The following KIAA1217 variants were observed in gnomAD, a reference collection of about 807,000 sequenced individuals.
The protein encoded by KIAA1217 is KIAA1217.
A neutral mutation model predicts 163.9 loss-of-function variants in KIAA1217; 88 were observed. The observed-to-expected ratio is 0.54, with a 90% CI of 0.45 to 0.64. The LOEUF is 0.64. Among genes scored for constraint, KIAA1217 ranks in the 30% least tolerant of loss-of-function variants. KIAA1217 has a pLI of 0.00. For missense variants in KIAA1217, 2,372 were observed against 2,475.0 expected, an observed-to-expected ratio of 0.96 and a Z score of 0.88; for synonymous variants, 903 against 923.1, an observed-to-expected ratio of 0.98 and a Z score of 0.39.
intron 2 of KIAA1217, among the ~76,000 whole-genome samples, chr10:24,251,273 G>A (rs1423383388): frequency 6.6e-6 from 1 of 151,862 alleles, no homozygotes; most frequent in Non-Finnish European, 1.5e-5. Context: ...GGTGGCACAT[G>A]CCTGTAGTTC....
intron 2 of KIAA1217, among the ~76,000 whole-genome samples, chr10:24,377,694 G>A (rs948421125): frequency 1.3e-5 from 2 of 152,036 alleles, no homozygotes; most frequent in Admixed American, 6.6e-5. Context: ...AAATTTGGGG[G>A]AAATATTTCT....
intron 5 of KIAA1217, among the ~76,000 whole-genome samples, chr10:24,441,066 A>G (rs1298953751): frequency 6.6e-6 from 1 of 152,236 alleles, no homozygotes; most frequent in East Asian, 1.9e-4. Context: ...GGTGGAGAAC[A>G]GAAACAGAGA....
intron 5 of KIAA1217, among the ~76,000 whole-genome samples, chr10:24,463,972 G>A (rs1405154785): frequency 1.3e-5 from 2 of 152,196 alleles, no homozygotes; most frequent in Non-Finnish European, 2.9e-5. Context: ...ACCAAAGCGT[G>A]GGGGTGTTAG....
intron 2 of KIAA1217, among the ~76,000 whole-genome samples, chr10:24,140,542 G>C (rs796626495): frequency 1.3e-5 from 2 of 152,218 alleles, no homozygotes; most frequent in African/African-American, 4.8e-5. Context: ...CTGTGGGTGG[G>C]TAACTTAGGG....
chr10:23,791,590 T>C (rs1389983408), intron 1 of KIAA1217, among the ~76,000 whole-genome samples: 1 of 152,190 alleles, frequency 6.6e-6, no homozygotes, highest in African/African-American at 2.4e-5. Flanking sequence ...GAGCATAGCA[T>C]TGCTTTATAG....
At chr10:23,860,237 AT>A (rs72322157) in intron 1 of KIAA1217, among the ~76,000 whole-genome samples, 17,394 of 146,852 alleles carry the variant, frequency 0.12, 3,138 homozygotes, top group African/African-American at 0.39. Flanking sequence ...GTAAATGCAC[AT>A]TTTTTTTTTT....
intron 1 of KIAA1217, among the ~76,000 whole-genome samples, chr10:23,838,317 T>C (rs924275962): frequency 3.3e-5 from 5 of 152,200 alleles, no homozygotes; most frequent in African/African-American, 1.2e-4. Flanking sequence ...ATTACTGATA[T>C]ATGAGAATAC....
intron 1 of KIAA1217, among the ~76,000 whole-genome samples, chr10:23,724,086 C>T (rs1838007568): frequency 1.3e-5 from 2 of 152,138 alleles, no homozygotes; most frequent in South Asian, 4.2e-4. Context: ...TAAGAACTCA[C>T]TCACTTTCAT....
chr10:24,402,516 C>CAAACAAA (rs1554849270), intron 3 of KIAA1217, among the ~76,000 whole-genome samples: 5 of 92,984 alleles, frequency 5.4e-5, no homozygotes, highest in South Asian at 3.8e-4. Context: ...CTCAAAAAAA[C>CAAACAAA]AAAAAACAAA....
intron 2 of KIAA1217, among the ~76,000 whole-genome samples, chr10:24,058,080 TG>T (rs1472772854): frequency 6.6e-6 from 1 of 152,192 alleles, no homozygotes; most frequent in East Asian, 1.9e-4. Context: ...TTTTGTACAG[TG>T]TATGTTAAGG....
chr10:24,427,100 G>C (rs2131658928), intron 3 of KIAA1217, among the ~76,000 whole-genome samples: 1 of 152,234 alleles, frequency 6.6e-6, no homozygotes, highest in African/African-American at 2.4e-5. Context: ...CCATGGAGGT[G>C]AAAGAACCCT....
At chr10:23,881,545 G>A (rs1564503047) in intron 1 of KIAA1217, among the ~76,000 whole-genome samples, 1 of 151,902 alleles carries the variant, frequency 6.6e-6, no homozygotes, top group Admixed American at 6.6e-5. Context: ...AAAGGGATTC[G>A]CTGGAATCAA....
At chr10:24,109,741 T>TA (rs768643531) in intron 2 of KIAA1217, among the ~76,000 whole-genome samples, 167 of 152,312 alleles carry the variant, frequency 1.1e-3, no homozygotes, top group Middle Eastern at 3.4e-3. Flanking sequence ...GTTTGGGGGA[T>TA]ATAAAAAATA....
chr10:24,534,222 C>T (rs565739437), intron 16 of KIAA1217, among the ~76,000 whole-genome samples: 149 of 152,274 alleles, frequency 9.8e-4, no homozygotes, highest in Non-Finnish European at 1.4e-3. Context: ...ATTGAGCTGC[C>T]TGGATTTTGC....
intron 1 of KIAA1217, among the ~76,000 whole-genome samples, chr10:24,218,650 A>T (rs1184628886): frequency 6.6e-6 from 1 of 151,796 alleles, no homozygotes; most frequent in African/African-American, 2.4e-5. Flanking sequence ...CACCATGCCC[A>T]GCTAATTTTT....
At chr10:24,135,074 T>G (rs1457465515) in intron 2 of KIAA1217, among the ~76,000 whole-genome samples, 1 of 152,176 alleles carries the variant, frequency 6.6e-6, no homozygotes, top group Non-Finnish European at 1.5e-5. Flanking sequence ...GCTCCTACAT[T>G]CTGTGACCTC....
chr10:24,534,455 T>C (rs76315350), intron 16 of KIAA1217, among the ~76,000 whole-genome samples: 8,290 of 152,282 alleles, frequency 0.054, 314 homozygotes, highest in Non-Finnish European at 0.083. Flanking sequence ...ATACTAAATT[T>C]GTTGCAGCCA....
chr10:24,288,627 T>C (rs1436610038), intron 2 of KIAA1217, among the ~76,000 whole-genome samples: 1 of 152,058 alleles, frequency 6.6e-6, no homozygotes, highest in East Asian at 1.9e-4. Context: ...ATGGGAACAC[T>C]AGAGGGAACA....
chr10:24,043,620 G>C (rs1206157187), intron 2 of KIAA1217, among the ~76,000 whole-genome samples: 2 of 152,028 alleles, frequency 1.3e-5, no homozygotes, highest in African/African-American at 4.8e-5. Flanking sequence ...TGACAGAAGT[G>C]GCTGAATAGA....
Sources: gnomAD v4.1 joint callset for allele counts (sites outside exome capture counted in the v4.1 genomes callset) on GRCh38, gnomAD v4.1.1 for gene constraint, MANE v1.5 for transcripts, NCBI Gene and HGNC (gene_info 2026-07-23, HGNC 2026-07-21) for gene names.